SEMA3A: variants seen among roughly 807,000 people sequenced by gnomAD.
SEMA3A encodes the protein semaphorin-3A.
A neutral mutation model predicts 97.9 loss-of-function variants in SEMA3A; 29 were observed. The ratio of observed to expected loss-of-function variants is 0.30; its 90% CI spans 0.22 to 0.40. SEMA3A has a LOEUF of 0.40. SEMA3A is among the 10% of genes least tolerant of loss of function. SEMA3A has a pLI of 1.00. For missense variants in SEMA3A, 763 were observed against 951.3 expected (o/e 0.80, Z 2.60); for synonymous variants, 321 against 323.7 (o/e 0.99, Z 0.09).
At chr7:83,998,584 A>G (rs1790312599) in intron 12 of SEMA3A, among the ~76,000 whole-genome samples, 1 of 152,058 alleles carries the variant, frequency 6.6e-6, no homozygotes, top group South Asian at 2.1e-4. Context: ...TTTTTTTTAA[A>G]GTATTTTTCT....
chr7:84,470,485 G>A (rs990462196), intron 1 of SEMA3A, among the ~76,000 whole-genome samples: 2 of 152,080 alleles, frequency 1.3e-5, no homozygotes, highest in South Asian at 4.1e-4. Context: ...ACAAATTCTG[G>A]AAAGGGAGAA....
chr7:84,309,757 G>C (rs1385669363), intron 2 of SEMA3A, among the ~76,000 whole-genome samples: 1 of 152,102 alleles, frequency 6.6e-6, no homozygotes, highest in African/African-American at 2.4e-5. Context: ...GAGACCTGAA[G>C]GAAGACTATG....
At chr7:83,992,154 A>G (rs1584516369) in intron 12 of SEMA3A, among the ~76,000 whole-genome samples, 1 of 149,912 alleles carries the variant, frequency 6.7e-6, no homozygotes, top group Middle Eastern at 3.5e-3. Flanking sequence ...TTTCTGTGGG[A>G]TTGGTGGTGA....
intron 3 of SEMA3A, among the ~76,000 whole-genome samples, chr7:84,224,534 A>T (rs562975689): frequency 6.6e-6 from 1 of 152,172 alleles, no homozygotes; most frequent in East Asian, 1.9e-4. Flanking sequence ...ATGATGAATG[A>T]GTATTGACCC....
At chr7:84,282,169 A>C (rs1044409705) in intron 3 of SEMA3A, among the ~76,000 whole-genome samples, 5 of 152,148 alleles carry the variant, frequency 3.3e-5, no homozygotes, top group Non-Finnish European at 5.9e-5. Context: ...ATCCGCCACT[A>C]TTAATTAGCT....
intron 3 of SEMA3A, among the ~76,000 whole-genome samples, chr7:84,237,362 A>T (rs1186432291): frequency 6.6e-6 from 1 of 152,120 alleles, no homozygotes; most frequent in East Asian, 1.9e-4. Context: ...GTCTTACTCA[A>T]ACTTACTACT....
chr7:84,476,293 A>G (rs1395335739), intron 1 of SEMA3A, among the ~76,000 whole-genome samples: 1 of 151,132 alleles, frequency 6.6e-6, no homozygotes, highest in African/African-American at 2.4e-5. Context: ...CGGGAGGCGG[A>G]GGTTGCAGTG....
At chr7:84,203,943 T>C (rs1440824898) in intron 3 of SEMA3A, among the ~76,000 whole-genome samples, 1 of 151,972 alleles carries the variant, frequency 6.6e-6, no homozygotes, top group African/African-American at 2.4e-5. Flanking sequence ...AACTACATTA[T>C]AGTTCACAAA....
At chr7:84,363,643 C>T (rs2116074492) in intron 2 of SEMA3A, among the ~76,000 whole-genome samples, 1 of 151,888 alleles carries the variant, frequency 6.6e-6, no homozygotes, top group East Asian at 1.9e-4. Context: ...GTACAATAAA[C>T]TTTATGGTTT....
At chr7:84,134,711 T>C in intron 2 of SEMA3A, 83 bp downstream of exon 2, 1 of 1,076,110 alleles carries the variant, frequency 9.3e-7, no homozygotes, top group Non-Finnish European at 1.3e-6. Flanking sequence ...CTGTCAGTAA[T>C]CATGCTTTTA....
chr7:84,411,811 A>G (rs1804276894), intron 1 of SEMA3A, among the ~76,000 whole-genome samples: 1 of 151,990 alleles, frequency 6.6e-6, no homozygotes, highest in Non-Finnish European at 1.5e-5. Context: ...TTTTCTTTCA[A>G]GAAGAGGTCA....
intron 1 of SEMA3A, among the ~76,000 whole-genome samples, chr7:84,400,603 GAA>G (rs1197799693): frequency 6.6e-6 from 1 of 152,102 alleles, no homozygotes; most frequent in Non-Finnish European, 1.5e-5. Flanking sequence ...GAAAAAAGAT[GAA>G]AGAGTGAAGA....
intron 1 of SEMA3A, among the ~76,000 whole-genome samples, chr7:84,174,876 A>G (rs1797513395): frequency 6.6e-6 from 1 of 152,186 alleles, no homozygotes; most frequent in African/African-American, 2.4e-5. Context: ...ATTCTTGTTA[A>G]ATTCTTGGAA....
intron 6 of SEMA3A, among the ~76,000 whole-genome samples, chr7:84,032,596 T>C (rs1791800852): frequency 6.6e-6 from 1 of 152,172 alleles, no homozygotes; most frequent in African/African-American, 2.4e-5. Flanking sequence ...ATTTATAGCA[T>C]AATTTTCTAA....
chr7:84,186,780 C>A (rs12540238), intron 1 of SEMA3A, among the ~76,000 whole-genome samples: 9 of 151,654 alleles, frequency 5.9e-5, no homozygotes, highest in Non-Finnish European at 1.2e-4. Context: ...AATTTTCCAA[C>A]GAACATTGTA....
intron 2 of SEMA3A, among the ~76,000 whole-genome samples, chr7:84,340,780 C>T (rs1211578672): frequency 1.2e-4 from 2 of 16,134 alleles, no homozygotes; most frequent in Non-Finnish European, 3.3e-4. Flanking sequence ...AACTCCATCT[C>T]GGAAAAAAAA....
chr7:84,222,944 T>C (rs1474990869), intron 3 of SEMA3A, among the ~76,000 whole-genome samples: 1 of 151,890 alleles, frequency 6.6e-6, no homozygotes, highest in Non-Finnish European at 1.5e-5. Context: ...CTTCAGATGA[T>C]TTCTACACCA....
intron 3 of SEMA3A, among the ~76,000 whole-genome samples, chr7:84,248,694 T>C (rs1799530869): frequency 6.6e-6 from 1 of 152,200 alleles, no homozygotes; most frequent in African/African-American, 2.4e-5. Flanking sequence ...TCTAAGCATA[T>C]CTCCTAAAAC....
intron 2 of SEMA3A, among the ~76,000 whole-genome samples, chr7:84,362,665 T>C (rs1802755694): frequency 6.6e-6 from 1 of 152,062 alleles, no homozygotes; most frequent in African/African-American, 2.4e-5. Flanking sequence ...GTAGAATAAC[T>C]ATTGTTAACT....
Sources: allele counts gnomAD v4.1 joint callset (sites outside exome capture counted in the v4.1 genomes callset), GRCh38; gene constraint gnomAD v4.1.1; transcripts MANE v1.5; gene names NCBI Gene and HGNC (gene_info 2026-07-23, HGNC 2026-07-21).